Variants in GAS2 observed in about 807,000 individuals in gnomAD.
GAS2 encodes growth arrest-specific protein 2.
In GAS2, 20 loss-of-function variants were observed where a neutral mutation model predicts 37.5. The ratio of observed to expected loss-of-function variants is 0.53; its 90% CI spans 0.37 to 0.77. The LOEUF (loss-of-function observed/expected upper bound fraction) is 0.77, where lower values mean the gene tolerates loss of function less well. Among genes scored for constraint, GAS2 ranks in the 30% least tolerant of loss-of-function variants. The pLI, the probability that GAS2 is intolerant of heterozygous loss-of-function variation, is 0.00. For synonymous variants in GAS2, 144 were observed against 132.2 expected (o/e 1.09, Z -0.61); for missense variants, 336 against 373.4 (o/e 0.90, Z 0.82).
intron 1 of GAS2, among the ~76,000 whole-genome samples, chr11:22,653,146 C>G (rs189610086): frequency 7.9e-5 from 12 of 151,292 alleles, no homozygotes; most frequent in African/African-American, 2.9e-4. Context: ...GTCTCCTCTC[C>G]TCTCCTCCTG....
intron 5 of GAS2, among the ~76,000 whole-genome samples, chr11:22,738,549 A>G (rs1172750657): frequency 6.6e-6 from 1 of 152,248 alleles, no homozygotes; most frequent in African/African-American, 2.4e-5. Flanking sequence ...AAGATTAATT[A>G]GAAAATGGTT....
At chr11:22,665,413 C>A (rs748828912), upstream of GAS2, among the ~76,000 whole-genome samples, 1 of 152,138 alleles carries the variant, frequency 6.6e-6, no homozygotes, top group Non-Finnish European at 1.5e-5. Flanking sequence ...GATCTGATCA[C>A]ATTTTAAGAA....
chr11:22,702,684 T>A (rs1267578087), intron 3 of GAS2: 2 of 152,196 alleles, frequency 1.3e-5, no homozygotes, highest in African/African-American at 4.8e-5. Flanking sequence ...CCTTCTCATA[T>A]GAGCAAAAAG....
At chr11:22,649,252 T>A (rs540828209) in intron 1 of GAS2, among the ~76,000 whole-genome samples, 2 of 152,314 alleles carry the variant, frequency 1.3e-5, no homozygotes, top group East Asian at 3.9e-4. Flanking sequence ...CAGCCTTGCA[T>A]CCCAGAGATG....
At chr11:22,739,594 A>G (rs1204458543) in intron 5 of GAS2, among the ~76,000 whole-genome samples, 4 of 147,858 alleles carry the variant, frequency 2.7e-5, no homozygotes, top group East Asian at 3.9e-4. Flanking sequence ...AAAAAAAAAA[A>G]AAAGAAAGGG....
At chr11:22,738,752 A>G (rs920905178) in intron 5 of GAS2, among the ~76,000 whole-genome samples, 15 of 152,230 alleles carry the variant, frequency 9.9e-5, no homozygotes, top group African/African-American at 3.6e-4. Context: ...CTTTGATCCA[A>G]TAGAAAATTA....
intron 7 of GAS2, among the ~76,000 whole-genome samples, chr11:22,787,274 C>T (rs754075563): frequency 1.8e-4 from 28 of 152,210 alleles, no homozygotes; most frequent in Middle Eastern, 6.8e-3. Context: ...CTCTCTGATC[C>T]TTGGCAATTA....
intron 7 of GAS2, among the ~76,000 whole-genome samples, chr11:22,777,340 A>G (rs1240422488): frequency 6.6e-6 from 1 of 152,202 alleles, no homozygotes; most frequent in Non-Finnish European, 1.5e-5. Flanking sequence ...GACCTCAACG[A>G]TCAGTTTAAG....
chr11:22,744,140 G>T (rs77221777), intron 5 of GAS2, among the ~76,000 whole-genome samples: 215 of 152,038 alleles, frequency 1.4e-3, no homozygotes, highest in Admixed American at 2.4e-3. Context: ...AATTGAATCG[G>T]TAGTAAAAAG....
chr11:22,746,079 G>A (rs1189867791), intron 5 of GAS2, among the ~76,000 whole-genome samples: 1 of 152,126 alleles, frequency 6.6e-6, no homozygotes, highest in Non-Finnish European at 1.5e-5. Context: ...CTACTCAGAG[G>A]GCTGAGGTTG....
At chr11:22,805,849 G>A (rs951720528) in intron 7 of GAS2, among the ~76,000 whole-genome samples, 1 of 152,070 alleles carries the variant, frequency 6.6e-6, no homozygotes, top group Non-Finnish European at 1.5e-5. Flanking sequence ...ACCATATAGG[G>A]TAACTTCCTG....
At chr11:22,701,001 A>G (rs1332876840) in intron 3 of GAS2, among the ~76,000 whole-genome samples, 1 of 152,162 alleles carries the variant, frequency 6.6e-6, no homozygotes, top group Non-Finnish European at 1.5e-5. Flanking sequence ...TGGTGAGGGA[A>G]ATGAGAATAT....
chr11:22,778,252 C>T (rs1590119893), intron 7 of GAS2, among the ~76,000 whole-genome samples: 1 of 152,152 alleles, frequency 6.6e-6, no homozygotes, highest in East Asian at 1.9e-4. Flanking sequence ...AATTATAATG[C>T]TACTCAGTTT....
intron 7 of GAS2, among the ~76,000 whole-genome samples, chr11:22,764,288 C>T (rs899212724): frequency 3.3e-5 from 5 of 152,116 alleles, no homozygotes; most frequent in Admixed American, 6.5e-5. Context: ...CGGCCGGGCA[C>T]GGCGGATCAT....
intron 4 of GAS2, among the ~76,000 whole-genome samples, chr11:22,729,299 C>T (rs1852363321): frequency 6.6e-6 from 1 of 151,712 alleles, no homozygotes; most frequent in African/African-American, 2.4e-5. Flanking sequence ...CTTTTTTGTA[C>T]AATTATTTGT....
Position 22,749,319 on chromosome 11 carries a change from A to G in GAS2, c.615+58A>G, listed in dbSNP as rs936424898. 8.2e-6 allele frequency: 12 copies of G among 1,463,946 alleles called. No individual in the cohort carries two copies. In the African/African-American group the frequency reaches 9.9e-5, roughly 12 times the overall value. The allele number at this position is 1,463,946 out of a possible 1,614,324, so 90.7% of individuals were successfully genotyped here. A position where few individuals can be genotyped will look rare whatever the true frequency, so the allele number is the denominator to read the frequency against. On this transcript the variant is annotated intron_variant, in intron 6 of 7. Coordinates refer to ENST00000454584, the MANE Select transcript of GAS2 (RefSeq NM_001143830.3). ...GTTAGTCTTTCTTGCACTACAAAAC[A>G]TATTCTGTGCAATCTCGTATCAGTC...
chr11:22,653,852 C>T (rs1247818836), intron 1 of GAS2, among the ~76,000 whole-genome samples: 1 of 152,116 alleles, frequency 6.6e-6, no homozygotes, highest in African/African-American at 2.4e-5. Flanking sequence ...GCTTCTGAGG[C>T]AAAAATCCCA....
intron 7 of GAS2, among the ~76,000 whole-genome samples, chr11:22,809,852 T>G (rs77684175): frequency 6.6e-6 from 1 of 152,142 alleles, no homozygotes; most frequent in Non-Finnish European, 1.5e-5. Context: ...ATTTCAGTAC[T>G]ACTGGGAGGG....
rs1853588372 is a variant in GAS2, at chr11:22,749,201, A to G, written c.555A>G (p.Ser185=). Residue 185 remains serine, a synonymous_variant, in exon 6 of 8, where the codon TCA becomes TCG. Transcript: ENST00000454584. ...QEETLSAPSP[S]PSPSSKSSGK... Reference sequence around the variant, plus strand: ...AAACACTTTCTGCCCCTTCTCCTTCACCTTCTCCTTCATCAAAGTCTTCTG... The same window carrying G: ...AAACACTTTCTGCCCCTTCTCCTTCGCCTTCTCCTTCATCAAAGTCTTCTG... 6.2e-7 allele frequency: 1 copy of G among 1,612,512 alleles called. No homozygotes were observed. Among genetic ancestry groups the G allele is most frequent in the African/African-American group, 1.3e-5 (1 of 74,824 alleles).
Sources: gnomAD v4.1 joint callset for allele counts (sites outside exome capture counted in the v4.1 genomes callset) on GRCh38, gnomAD v4.1.1 for gene constraint, MANE v1.5 for transcripts, NCBI Gene and HGNC (gene_info 2026-07-23, HGNC 2026-07-21) for gene names.